TXNRD3: variants seen among roughly 807,000 people sequenced by gnomAD.
TXNRD3 encodes the protein TXNRD3 neighbor gene protein.
A neutral mutation model predicts 78.2 loss-of-function variants in TXNRD3; 68 were observed. The ratio of observed to expected loss-of-function variants is 0.87; its 90% CI spans 0.72 to 1.06. The LOEUF (loss-of-function observed/expected upper bound fraction) is 1.06, where lower values mean the gene tolerates loss of function less well. Ranked by LOEUF, TXNRD3 falls within the 50% of genes least tolerant of loss-of-function variation. The pLI, the probability that TXNRD3 is intolerant of heterozygous loss-of-function variation, is 0.00. For missense variants in TXNRD3, 751 were observed against 809.5 expected (o/e 0.93, Z 0.88); for synonymous variants, 296 against 300.1 (o/e 0.99, Z 0.14).
intron 5 of TXNRD3, among the ~76,000 whole-genome samples, chr3:126,643,674 C>T (rs1933148149): frequency 6.6e-6 from 1 of 152,032 alleles, no homozygotes; most frequent in Non-Finnish European, 1.5e-5. Flanking sequence ...TTTCCAACAT[C>T]ACTGCTTGTT....
At chr3:126,616,465 T>G (rs1485906258) in intron 12 of TXNRD3, among the ~76,000 whole-genome samples, 1 of 152,152 alleles carries the variant, frequency 6.6e-6, no homozygotes, top group Admixed American at 6.5e-5. Context: ...AATTCTTTCT[T>G]TTATAGGAAA....
chr3:126,615,982 G>T (rs1938310808), intron 12 of TXNRD3, among the ~76,000 whole-genome samples: 1 of 152,184 alleles, frequency 6.6e-6, no homozygotes, highest in Admixed American at 6.5e-5. Flanking sequence ...GATGGTACAT[G>T]TGTGAGTGTG....
chr3:126,614,102 A>G (rs1440584262), intron 13 of TXNRD3, among the ~76,000 whole-genome samples: 1 of 152,236 alleles, frequency 6.6e-6, no homozygotes, highest in South Asian at 2.1e-4. Flanking sequence ...AAGAAGTAAA[A>G]AAATTAATAG....
chr3:126,619,145 C>T (rs1426324842), intron 12 of TXNRD3, among the ~76,000 whole-genome samples: 1 of 152,120 alleles, frequency 6.6e-6, no homozygotes, highest in Non-Finnish European at 1.5e-5. Context: ...CACTATGGAA[C>T]ACAGTATGGA....
chr3:126,641,906 A>G (rs2107625053), intron 6 of TXNRD3, 126 bp downstream of exon 6: 1 of 1,204,572 alleles, frequency 8.3e-7, no homozygotes, highest in South Asian at 1.7e-5. Context: ...CTGACACAGT[A>G]GCTTCCTAAT....
intron 1 of TXNRD3, among the ~76,000 whole-genome samples, chr3:126,651,370 T>C (rs1016295811): frequency 6.6e-6 from 1 of 152,192 alleles, no homozygotes; most frequent in African/African-American, 2.4e-5. Flanking sequence ...CAGATTTTGC[T>C]TCACTTAAAA....
intron 13 of TXNRD3, among the ~76,000 whole-genome samples, 175 bp downstream of exon 13, chr3:126,615,180 C>A (rs1260848166): frequency 6.6e-6 from 1 of 152,208 alleles, no homozygotes; most frequent in African/African-American, 2.4e-5. Flanking sequence ...TATTCCTCTT[C>A]TTTGCTAGAC....
chr3:126,635,576 G>A (rs1467698513), intron 6 of TXNRD3, among the ~76,000 whole-genome samples: 5 of 151,940 alleles, frequency 3.3e-5, no homozygotes, highest in Non-Finnish European at 4.4e-5. Context: ...TTTTCAAAAC[G>A]AATTTTAAAA....
chr3:126,640,865 G>GT (rs199570355), intron 6 of TXNRD3, among the ~76,000 whole-genome samples: 26 of 142,562 alleles, frequency 1.8e-4, no homozygotes, highest in East Asian at 1.0e-3. Context: ...AGTAACTTGT[G>GT]TAAAAAAAAA....
intron 3 of TXNRD3, among the ~76,000 whole-genome samples, chr3:126,644,622 T>TAG (rs1243446381): frequency 6.6e-6 from 1 of 152,232 alleles, no homozygotes; most frequent in East Asian, 1.9e-4. Context: ...TGTCCCTTCT[T>TAG]ACACCTGACA....
At position 126,642,189 on chromosome 3, in the gene TXNRD3, T is replaced by C. The variant is rs1213694638; in HGVS notation, c.593-38A>G. The C allele has an allele frequency of 8.6e-6, 13 of 1,514,136 alleles. No homozygotes were observed. The African/African-American group carries it at 1.5e-4, about 18-fold the overall frequency. 93.8% of individuals were successfully genotyped at this position (1,514,136 alleles called of 1,614,324 possible). The stretch of plus-strand genomic sequence containing the variant: ...ATAAGTTTTAATGCTTCTTTGTGTG[T>C]CTAGTTTCACACATCTGCAATCATA... On this transcript the variant is annotated intron_variant, in intron 5 of 15. Transcript: ENST00000524230.
chr3:126,630,750 G>A lies in TXNRD3; in HGVS notation c.1159C>T (p.His387Tyr), dbSNP rs1213726140. The change falls in exon 9 of 16, where the codon CAT becomes TAT. Residue 387 changes from histidine to tyrosine, a missense_variant. By Grantham distance (83) the His-to-Tyr change is moderately conservative. Coordinates refer to ENST00000524230, the MANE Select transcript of TXNRD3 (RefSeq NM_052883.3). ...AATTTCCGTAGGAACTTCACACCAT[G>A]CTGCTCCATGTAGGAACCCACTTTT... is the stretch of plus-strand genomic sequence containing the variant. The A allele has an allele frequency of 5.2e-6, 8 of 1,534,256 alleles. No individual in the cohort carries two copies. Among genetic ancestry groups the A allele is most frequent in the Non-Finnish European group, 7.0e-6 (8 of 1,146,880 alleles).
At chr3:126,629,166 TAC>T (rs1459924129) in intron 10 of TXNRD3, among the ~76,000 whole-genome samples, 1 of 152,176 alleles carries the variant, frequency 6.6e-6, no homozygotes, top group Non-Finnish European at 1.5e-5. Flanking sequence ...AAATTTTACA[TAC>T]AGTCGCATAC....
chr3:126,611,828 G>A (rs928780659), intron 13 of TXNRD3, among the ~76,000 whole-genome samples: 12 of 152,084 alleles, frequency 7.9e-5, no homozygotes, highest in Admixed American at 3.3e-4. Context: ...AATAATCCAC[G>A]ATGGATGGAT....
chr3:126,623,925 T>A (rs1213350587), intron 10 of TXNRD3, among the ~76,000 whole-genome samples: 1 of 150,910 alleles, frequency 6.6e-6, no homozygotes, highest in Non-Finnish European at 1.5e-5. Flanking sequence ...TATTTGTAGA[T>A]ATGAATCCTA....
chr3:126,627,054 C>T (rs1361886547), intron 10 of TXNRD3, among the ~76,000 whole-genome samples: 1 of 152,180 alleles, frequency 6.6e-6, no homozygotes, highest in Non-Finnish European at 1.5e-5. Context: ...CACCACTGCA[C>T]TCCAGCCTGG....
chr3:126,621,649 A>T, intron 12 of TXNRD3, 93 bp downstream of exon 12: 1 of 1,224,718 alleles, frequency 8.2e-7, no homozygotes, highest in Non-Finnish European at 1.1e-6. Flanking sequence ...GGAACCCTTT[A>T]CTTGGAAAAC....
intron 10 of TXNRD3, among the ~76,000 whole-genome samples, chr3:126,623,052 T>TA (rs1320689641): frequency 6.6e-6 from 1 of 152,166 alleles, no homozygotes; most frequent in Non-Finnish European, 1.5e-5. Flanking sequence ...CTGTGAGAAA[T>TA]ACATTTCTGT....
chr3:126,622,868 C>T (rs1264998007), intron 10 of TXNRD3, among the ~76,000 whole-genome samples: 1 of 152,052 alleles, frequency 6.6e-6, no homozygotes, highest in African/African-American at 2.4e-5. Context: ...TATGGGTGTG[C>T]CTTAATCCAG....
Sources: allele counts gnomAD v4.1 joint callset (sites outside exome capture counted in the v4.1 genomes callset), GRCh38; gene constraint gnomAD v4.1.1; transcripts MANE v1.5; gene names NCBI Gene and HGNC (gene_info 2026-07-23, HGNC 2026-07-21).